SCAF11: variants seen among roughly 807,000 people sequenced by gnomAD.
SCAF11 encodes protein SCAF11.
SCAF11 carries 47 observed loss-of-function variants against 140.5 expected under a neutral mutation model. The observed-to-expected ratio is 0.33, with a 90% CI of 0.26 to 0.43. The LOEUF (loss-of-function observed/expected upper bound fraction) is 0.43. Ranked by LOEUF, SCAF11 falls within the 20% of genes least tolerant of loss-of-function variation. The pLI is 1.00. For missense variants in SCAF11, 1,645 were observed against 1,705.1 expected (o/e 0.96, Z 0.62); for synonymous variants, 557 against 579.4 (o/e 0.96, Z 0.55).
Position 45,964,201 on chromosome 12 carries a change from T to C in SCAF11, c.-21-13A>G, listed in dbSNP as rs1322709188. The C allele has an allele frequency of 8.1e-7, 1 of 1,227,884 alleles. No individual in the cohort carries two copies. Among genetic ancestry groups the C allele is most frequent in the Non-Finnish European group, 1.2e-6 (1 of 859,716 alleles). 76.1% of individuals were successfully genotyped at this position (1,227,884 alleles called of 1,614,324 possible). On this transcript the variant is annotated splice_polypyrimidine_tract_variant and intron_variant, in intron 1 of 14. Coordinates refer to ENST00000369367, the MANE Select transcript of SCAF11 (RefSeq NM_004719.3). ...GGAAAAGGGTTTCCTATAAGATAAA[T>C]TATAATAGAGAATTTTATGTTTGCC...
chr12:45,948,351 C>A, intron 5 of SCAF11, 86 bp downstream of exon 5: 1 of 813,534 alleles, frequency 1.2e-6, no homozygotes, highest in South Asian at 1.5e-5. Context: ...ACATTTAAAC[C>A]CCACTTCATT....
At chr12:45,952,804 C>T (rs990389031) in intron 3 of SCAF11, among the ~76,000 whole-genome samples, 1 of 152,030 alleles carries the variant, frequency 6.6e-6, no homozygotes, top group Non-Finnish European at 1.5e-5. Context: ...AAAAATAAAA[C>T]GGAATTTTAA....
At chr12:45,983,742 A>ACACACAC (rs71437739) in intron 1 of SCAF11, among the ~76,000 whole-genome samples, 2 of 133,906 alleles carry the variant, frequency 1.5e-5, no homozygotes, top group Non-Finnish European at 3.2e-5. Context: ...CTAAACCTAA[A>ACACACAC]ACACACACAC....
chr12:45,939,910 T>C (rs1338660346), intron 6 of SCAF11, among the ~76,000 whole-genome samples: 1 of 152,232 alleles, frequency 6.6e-6, no homozygotes, highest in South Asian at 2.1e-4. Flanking sequence ...ATGTATTCAA[T>C]TTGCACAATC....
At chr12:45,972,320 G>A (rs1356476259) in intron 1 of SCAF11, among the ~76,000 whole-genome samples, 3 of 152,116 alleles carry the variant, frequency 2.0e-5, no homozygotes, top group Non-Finnish European at 4.4e-5. Context: ...AGTGACTCAA[G>A]CATGTAATCC....
At chr12:45,942,110 T>C (rs1020814979) in intron 6 of SCAF11, among the ~76,000 whole-genome samples, 3 of 152,240 alleles carry the variant, frequency 2.0e-5, no homozygotes, top group Non-Finnish European at 4.4e-5. Context: ...ATATAACATA[T>C]AAAATGTGTT....
At chr12:45,973,175 A>G (rs1418586113) in intron 1 of SCAF11, among the ~76,000 whole-genome samples, 2 of 151,254 alleles carry the variant, frequency 1.3e-5, no homozygotes, top group Non-Finnish European at 3.0e-5. Context: ...ATAAAAATAC[A>G]CTGAATAGAC....
At chr12:45,972,953 T>TATATATATAGATATATAGATATATAG in intron 1 of SCAF11, among the ~76,000 whole-genome samples, 2 of 138,320 alleles carry the variant, frequency 1.4e-5, no homozygotes, top group Admixed American at 7.7e-5. Context: ...TATATATAGA[T>TATATATATAGATATATAGATATATAG]ATATAGATAT....
At position 45,926,665 on chromosome 12, in the gene SCAF11, AG is replaced by A; in HGVS notation, c.3035del (p.Ser1012LeufsTer13). Reference sequence around the variant, plus strand: ...GACAGTCATTTCTATGTTTGTCAGCAGAATTTGGATCATCAGCATCTAGATG... The same window carrying A: ...GACAGTCATTTCTATGTTTGTCAGCAAATTTGGATCATCAGCATCTAGATG... ...DIHLDADDPNSADKHRNDCPN... is the reference protein window; with the variant it reads ...DIHLDADDPNXADKHRNDCPN... On this transcript the variant is annotated frameshift_variant, in exon 11 of 15. Transcript: ENST00000369367. LOFTEE classifies it high-confidence loss of function. 6.2e-7 allele frequency: 1 copy of A among 1,613,820 alleles called. No homozygotes were observed. The highest frequency in any genetic ancestry group is 8.5e-7 in the Non-Finnish European group (1 of 1,180,004).
At position 45,928,557 on chromosome 12, in the gene SCAF11, T is replaced by G; in HGVS notation, c.1144A>C (p.Lys382Gln). ...AGTTTCTTTTTCAGTAAAGGTGGTT[T>G]TCTTCCTCTTCTTACAGACTTCCGT... Reference protein sequence around the residue: ...PKRKSVRRGRKPPLLKKKLRS... With the variant: ...PKRKSVRRGRQPPLLKKKLRS... Residue 382 changes from lysine (K) to glutamine (Q), a missense_variant, in exon 11 of 15, where the codon AAA becomes CAA. Lys to Gln is a moderately conservative substitution (Grantham distance 53). Coordinates refer to ENST00000369367, the MANE Select transcript of SCAF11 (RefSeq NM_004719.3). The G allele has an allele frequency of 6.2e-7, 1 of 1,614,176 alleles. No individual in the cohort carries two copies. Among genetic ancestry groups the G allele is most frequent in the Non-Finnish European group, 8.5e-7 (1 of 1,180,016 alleles).
At chr12:45,962,045 T>A (rs1423293931) in intron 2 of SCAF11, among the ~76,000 whole-genome samples, 188 bp from the exon 3 acceptor site, 1 of 152,170 alleles carries the variant, frequency 6.6e-6, no homozygotes, top group South Asian at 2.1e-4. Flanking sequence ...TAAATTTTTT[T>A]AACGGGGGAC....
At position 45,922,023 on chromosome 12, in the gene SCAF11, A is replaced by C; in HGVS notation, c.*25T>G. 1.3e-6 allele frequency: 2 copies of C among 1,598,412 alleles called. No homozygotes were observed. Among genetic ancestry groups the C allele is most frequent in the Non-Finnish European group, 8.5e-7 (1 of 1,175,406 alleles). On this transcript the variant is annotated 3_prime_UTR_variant, in exon 15 of 15. Coordinates refer to ENST00000369367, the MANE Select transcript of SCAF11 (RefSeq NM_004719.3). ...AATTGCACTTTGCAGATATCCTGAT[A>C]ATGTCCTTGACAGCGTTCCCCATTT...
At chr12:45,987,632 A>C (rs1946488257) in intron 1 of SCAF11, among the ~76,000 whole-genome samples, 1 of 152,234 alleles carries the variant, frequency 6.6e-6, no homozygotes, top group Non-Finnish European at 1.5e-5. Context: ...TAGTTAGAGA[A>C]GACCACAACA....
intron 9 of SCAF11, among the ~76,000 whole-genome samples, 167 bp downstream of exon 9, chr12:45,932,964 C>T (rs1945086317): frequency 6.6e-6 from 1 of 152,020 alleles, no homozygotes; most frequent in East Asian, 1.9e-4. Flanking sequence ...TCTAAGGGGT[C>T]CTTTATATAG....
At position 45,927,093 on chromosome 12, in the gene SCAF11, C is replaced by A. The variant is rs137971738; in HGVS notation, c.2608G>T (p.Asp870Tyr). ...RQSQSRSPKR[D>Y]TTRESRRSES... ...GATCTTCTGCTTTCCCTAGTAGTATCCCTTTTTGGAGACCGAGACTGAGAT... is the reference window on the plus strand; with the variant it reads ...GATCTTCTGCTTTCCCTAGTAGTATACCTTTTTGGAGACCGAGACTGAGAT... The change falls in exon 11 of 15, where the codon GAT becomes TAT. Residue 870 changes from aspartate to tyrosine, a missense_variant. By Grantham distance (160) the Asp-to-Tyr change is radical (BLOSUM62 -3). Around this residue, in one of 2 missense-constraint regions of SCAF11, gnomAD observed 1,582 missense variants for 1,609.2 expected, o/e 0.98. Transcript: ENST00000369367. 4.7e-3 allele frequency: 7,557 copies of A among 1,614,146 alleles called. 28 individuals are homozygous for A. The highest frequency in any genetic ancestry group is 7.1e-3 in the East Asian group (318 of 44,884).
chr12:45,954,163 ATT>A (rs1397905043), intron 3 of SCAF11, among the ~76,000 whole-genome samples: 1 of 151,862 alleles, frequency 6.6e-6, no homozygotes, highest in Non-Finnish European at 1.5e-5. Context: ...ATACAATCTC[ATT>A]TTTTCTTTAT....
intron 6 of SCAF11, among the ~76,000 whole-genome samples, chr12:45,941,980 A>AG (rs1945313282): frequency 6.6e-6 from 1 of 152,224 alleles, no homozygotes; most frequent in African/African-American, 2.4e-5. Context: ...ACAAGGACAA[A>AG]GACCTTTATG....
At chr12:45,990,130 G>A (rs950767691) in intron 1 of SCAF11, among the ~76,000 whole-genome samples, 2 of 152,110 alleles carry the variant, frequency 1.3e-5, no homozygotes, top group African/African-American at 4.8e-5. Flanking sequence ...GCGGGGCAGC[G>A]AGAGGGAAAG....
chr12:45,961,816 A>G lies in SCAF11; in HGVS notation c.103T>C (p.Tyr35His), dbSNP rs778363779. ...ATTGGGCATCTGTCAGCCTCACTGT[A>G]CAACAGACCAGTGGAAATAGTATTA... ...GDNTISTGLLYSEADRCPICL... is the reference protein window; with the variant it reads ...GDNTISTGLLHSEADRCPICL... Residue 35 changes from tyrosine (Y) to histidine (H), a missense_variant, in exon 3 of 15, where the codon TAC becomes CAC. Physicochemically the swap from Tyr to His is moderately conservative, Grantham distance 83. Around this residue, in one of 2 missense-constraint regions of SCAF11, gnomAD observed 1,582 missense variants for 1,609.2 expected, o/e 0.98. Coordinates refer to ENST00000369367, the MANE Select transcript of SCAF11 (RefSeq NM_004719.3). 3.7e-6 allele frequency: 6 copies of G among 1,611,350 alleles called. No homozygotes were observed. The highest frequency in any genetic ancestry group is 5.1e-6 in the Non-Finnish European group (6 of 1,178,786).
Sources: gnomAD v4.1 joint callset for allele counts (sites outside exome capture counted in the v4.1 genomes callset) on GRCh38, gnomAD v4.1.1 for gene constraint, gnomAD v4.1.1 regional missense constraint, MANE v1.5 for transcripts, NCBI Gene and HGNC (gene_info 2026-07-23, HGNC 2026-07-21) for gene names.